The following SAE1 variants were observed in gnomAD, a reference collection of about 807,000 sequenced individuals.
SAE1 encodes SUMO-activating enzyme subunit 1.
SAE1 carries 11 observed loss-of-function variants against 40.6 expected under a neutral mutation model. The observed-to-expected ratio is 0.27, with a 90% CI of 0.17 to 0.45. SAE1 has a LOEUF of 0.45. Ranked by LOEUF, SAE1 falls within the 20% of genes least tolerant of loss-of-function variation. The pLI is 1.00. For synonymous variants in SAE1, 155 were observed against 154.3 expected (o/e 1.00, Z -0.03); for missense variants, 373 against 427.3 (o/e 0.87, Z 1.12).
chr19:47,182,464 A>AGTGT (rs113149127), intron 6 of SAE1, among the ~76,000 whole-genome samples: 4,849 of 144,372 alleles, frequency 0.034, 102 homozygotes, highest in Non-Finnish European at 0.042. Context: ...AAAAAAGCGT[A>AGTGT]GTGTGTGTGT....
intron 2 of SAE1, among the ~76,000 whole-genome samples, chr19:47,147,565 G>C (rs2058262150): frequency 6.6e-6 from 1 of 151,462 alleles, no homozygotes; most frequent in Admixed American, 6.6e-5. Flanking sequence ...TGATTCTCCT[G>C]TCTCAGCCTC....
chr19:47,189,646 G>A (rs753177150), intron 6 of SAE1, among the ~76,000 whole-genome samples: 18 of 152,084 alleles, frequency 1.2e-4, no homozygotes, highest in Admixed American at 4.6e-4. Context: ...AATTGGGGCC[G>A]AGGTGTCTGG....
intron 5 of SAE1, among the ~76,000 whole-genome samples, chr19:47,163,679 A>G (rs1481855442): frequency 6.6e-6 from 1 of 152,164 alleles, no homozygotes; most frequent in African/African-American, 2.4e-5. Context: ...GTGAGCCAAG[A>G]TCGCACCGTT....
chr19:47,207,083 G>A (rs911824812), intron 8 of SAE1, among the ~76,000 whole-genome samples: 9 of 152,144 alleles, frequency 5.9e-5, no homozygotes, highest in African/African-American at 2.2e-4. Flanking sequence ...AGAAGTTCAA[G>A]ACTAGCTTGG....
intron 6 of SAE1, among the ~76,000 whole-genome samples, chr19:47,178,114 G>A (rs62135083): frequency 0.067 from 10,161 of 152,032 alleles, 457 homozygotes; most frequent in Admixed American, 0.11. Flanking sequence ...GGTGGTGTGC[G>A]CCTGTAGTCC....
chr19:47,208,620 T>A (rs1228656085), intron 8 of SAE1, among the ~76,000 whole-genome samples: 5 of 152,196 alleles, frequency 3.3e-5, no homozygotes, highest in Non-Finnish European at 7.3e-5. Flanking sequence ...GAGACAGGTT[T>A]CACCGTGTTG....
chr19:47,149,119 T>C (rs1260112095), intron 2 of SAE1, among the ~76,000 whole-genome samples: 1 of 151,058 alleles, frequency 6.6e-6, no homozygotes, highest in African/African-American at 2.4e-5. Context: ...CCCAAATTGC[T>C]GGGATTACAG....
intron 1 of SAE1, among the ~76,000 whole-genome samples, chr19:47,132,433 T>C (rs2058151268): frequency 6.6e-6 from 1 of 151,542 alleles, no homozygotes. Context: ...TGTTTTTTTT[T>C]TTTTTTGTAG....
At chr19:47,191,319 CA>C (rs368206294) in intron 6 of SAE1, among the ~76,000 whole-genome samples, 3 of 147,484 alleles carry the variant, frequency 2.0e-5, no homozygotes, top group African/African-American at 5.0e-5. Flanking sequence ...GACTCCATCT[CA>C]AAAAAAAAGA....
chr19:47,189,935 T>G (rs1052004708), intron 6 of SAE1, among the ~76,000 whole-genome samples: 1 of 152,244 alleles, frequency 6.6e-6, no homozygotes, highest in Non-Finnish European at 1.5e-5. Flanking sequence ...TGTTATGAAC[T>G]GAGATTAAAT....
chr19:47,145,910 C>CTCACGGTT (rs2058253121), intron 2 of SAE1, among the ~76,000 whole-genome samples: 1 of 150,296 alleles, frequency 6.7e-6, no homozygotes, highest in Non-Finnish European at 1.5e-5. Context: ...TAGAAAGATG[C>CTCACGGTT]TCACGGTTTG....
At chr19:47,202,153 C>T (rs1292235631) in intron 7 of SAE1, among the ~76,000 whole-genome samples, 1 of 152,054 alleles carries the variant, frequency 6.6e-6, no homozygotes, top group African/African-American at 2.4e-5. Context: ...AGAAATTTGT[C>T]TTAAGGAATT....
intron 6 of SAE1, among the ~76,000 whole-genome samples, chr19:47,193,308 G>C (rs1451945224): frequency 1.3e-5 from 2 of 151,894 alleles, no homozygotes; most frequent in Non-Finnish European, 2.9e-5. Context: ...TGATCCACCT[G>C]CCTCAGCCTC....
At chr19:47,195,211 C>T (rs562229819) in intron 6 of SAE1, among the ~76,000 whole-genome samples, 2 of 151,842 alleles carry the variant, frequency 1.3e-5, no homozygotes, top group Admixed American at 6.6e-5. Context: ...CCTGCCACCA[C>T]GCCTGGCTAA....
At chr19:47,186,423 G>C (rs1045815598) in intron 6 of SAE1, among the ~76,000 whole-genome samples, 1 of 152,050 alleles carries the variant, frequency 6.6e-6, no homozygotes, top group African/African-American at 2.4e-5. Context: ...AACATTTATA[G>C]GTAATTCATT....
intron 5 of SAE1, among the ~76,000 whole-genome samples, chr19:47,160,349 G>C (rs1015676449): frequency 4.1e-5 from 6 of 147,284 alleles, no homozygotes; most frequent in Non-Finnish European, 7.4e-5. Context: ...AGCCTTCCGA[G>C]TAGCTGGAAC....
chr19:47,191,392 T>C (rs1484667113), intron 6 of SAE1, among the ~76,000 whole-genome samples: 1 of 152,180 alleles, frequency 6.6e-6, no homozygotes, highest in East Asian at 1.9e-4. Flanking sequence ...TCTGTTAGTA[T>C]AGCCAAAGCA....
In SAE1 at chr19:47,147,199, GTTTTTTTT is replaced by G. The variant is rs397859917; in HGVS notation, c.211-2982_211-2975del. Among the ~76,000 whole-genome samples the G allele has an allele frequency of 4.0e-3, 243 of 60,984 alleles. 2 individuals carry two copies. Among genetic ancestry groups the G allele is most frequent in the African/African-American group, 0.015 (221 of 14,734 alleles). 40.0% of individuals were successfully genotyped at this position (60,984 alleles called of 152,430 possible). A position where few individuals can be genotyped will look rare whatever the true frequency, so the allele number is the denominator to read the frequency against. On this transcript the variant is annotated intron_variant, in intron 2 of 8. Transcript: ENST00000270225. ...TGAAATGATAATTGTATGTGTATGGGTTTTTTTTTTTTTTTTTTTTTTTTTTTTGAGGC... is the reference window on the plus strand; with the variant it reads ...TGAAATGATAATTGTATGTGTATGGGTTTTTTTTTTTTTTTTTTTTGAGGC...
intron 1 of SAE1, among the ~76,000 whole-genome samples, chr19:47,131,704 T>TG (rs1268468803): frequency 7.7e-6 from 1 of 130,068 alleles, no homozygotes; most frequent in Non-Finnish European, 1.7e-5. Flanking sequence ...ATTCTTTTTT[T>TG]TTTTTTTTTT....
Sources: gnomAD v4.1 joint callset for allele counts (sites outside exome capture counted in the v4.1 genomes callset) on GRCh38, gnomAD v4.1.1 for gene constraint, MANE v1.5 for transcripts, NCBI Gene and HGNC (gene_info 2026-07-23, HGNC 2026-07-21) for gene names.